The following SGCD variants were observed in gnomAD, a reference collection of about 807,000 sequenced individuals.
SGCD encodes delta-sarcoglycan.
SGCD carries 18 observed loss-of-function variants against 36.6 expected under a neutral mutation model. The observed-to-expected ratio is 0.49, with a 90% CI of 0.34 to 0.73. The LOEUF is 0.73. Ranked by LOEUF, SGCD falls within the 30% of genes least tolerant of loss-of-function variation. The probability of loss-of-function intolerance (pLI) is 0.01; values close to 1 mark genes in which losing one functional copy is unlikely to be tolerated. For missense variants in SGCD, 387 were observed against 346.7 expected (o/e 1.12, Z -0.92); for synonymous variants, 133 against 130.6 (o/e 1.02, Z -0.12).
intron 7 of SGCD, among the ~76,000 whole-genome samples, chr5:156,676,265 T>C (rs958667058): frequency 1.3e-5 from 2 of 152,172 alleles, no homozygotes; most frequent in Non-Finnish European, 2.9e-5. Flanking sequence ...TAACCCCAGG[T>C]TGTTGCCACA....
chr5:155,825,449 T>G, the SGCD span, among the ~76,000 whole-genome samples: 3 of 152,216 alleles, frequency 2.0e-5, no homozygotes, highest in African/African-American at 7.2e-5. Context: ...TTATTCAGAA[T>G]TATCATTTTG....
chr5:155,769,809 C>T, the SGCD span, among the ~76,000 whole-genome samples: 11 of 152,146 alleles, frequency 7.2e-5, no homozygotes, highest in Non-Finnish European at 8.8e-5. Context: ...TTTGTACTCA[C>T]GGCACAGTAA....
intron 3 of SGCD, among the ~76,000 whole-genome samples, chr5:156,125,242 T>A (rs1762141618): frequency 6.6e-6 from 1 of 152,160 alleles, no homozygotes; most frequent in South Asian, 2.1e-4. Context: ...GTAGGTGAGG[T>A]GTGGCATTGG....
chr5:156,565,801 GTT>G (rs1759456846), intron 4 of SGCD, among the ~76,000 whole-genome samples: 1 of 152,046 alleles, frequency 6.6e-6, no homozygotes, highest in African/African-American at 2.4e-5. Flanking sequence ...GCAGTGTTTG[GTT>G]TTCTGTTTCT....
At chr5:155,942,314 G>GTATCTATCTATCTATCTATC (rs761794178) in intron 1 of SGCD, among the ~76,000 whole-genome samples, 4 of 84,412 alleles carry the variant, frequency 4.7e-5, no homozygotes, top group African/African-American at 9.5e-5. Flanking sequence ...ATGTATGTAT[G>GTATCTATCTATCTATCTATC]TATGTATGTA....
intron 4 of SGCD, among the ~76,000 whole-genome samples, chr5:156,531,792 G>GAA (rs530872597): frequency 1.3e-5 from 2 of 149,938 alleles, no homozygotes; most frequent in African/African-American, 4.9e-5. Flanking sequence ...TAAGTAATGG[G>GAA]AAAAAAAAAG....
At chr5:156,271,738 A>G (rs1180675028) in intron 3 of SGCD, among the ~76,000 whole-genome samples, 1 of 152,152 alleles carries the variant, frequency 6.6e-6, no homozygotes, top group African/African-American at 2.4e-5. Context: ...GACATGTCCC[A>G]GAGAACATGA....
chr5:156,108,780 G>A (rs193255413), intron 1 of SGCD, among the ~76,000 whole-genome samples: 29 of 152,220 alleles, frequency 1.9e-4, no homozygotes, highest in African/African-American at 6.5e-4. Flanking sequence ...TGATCAAGTT[G>A]AGTATTTAGC....
chr5:155,873,957 A>G (rs376829975), intron 1 of SGCD, among the ~76,000 whole-genome samples: 16 of 152,184 alleles, frequency 1.1e-4, no homozygotes, highest in East Asian at 7.7e-4. Context: ...ATCAATTTTT[A>G]TATAGCCCTG....
At chr5:155,929,757 C>G (rs1020770415) in intron 1 of SGCD, among the ~76,000 whole-genome samples, 1 of 152,182 alleles carries the variant, frequency 6.6e-6, no homozygotes, top group African/African-American at 2.4e-5. Context: ...CCATTTACCC[C>G]TACTCACTGC....
chr5:156,454,948 A>G (rs1407347254), intron 3 of SGCD, among the ~76,000 whole-genome samples: 1 of 152,070 alleles, frequency 6.6e-6, no homozygotes, highest in African/African-American at 2.4e-5. Flanking sequence ...GTGCATCAGG[A>G]AAAGACGACA....
chr5:156,455,647 CTG>C (rs980043358), intron 3 of SGCD, among the ~76,000 whole-genome samples: 3 of 152,124 alleles, frequency 2.0e-5, no homozygotes, highest in Non-Finnish European at 2.9e-5. Context: ...GAATGAAACA[CTG>C]GGGAACCAGC....
At chr5:155,913,579 A>G (rs1756675820) in intron 1 of SGCD, among the ~76,000 whole-genome samples, 1 of 152,126 alleles carries the variant, frequency 6.6e-6, no homozygotes, top group African/African-American at 2.4e-5. Flanking sequence ...GTTATCATAT[A>G]TTATCCCTTC....
chr5:155,855,607 C>T, the SGCD span, among the ~76,000 whole-genome samples: 1 of 152,132 alleles, frequency 6.6e-6, no homozygotes, highest in Non-Finnish European at 1.5e-5. Context: ...CGGCTAAAAA[C>T]TTAAAATTTT....
intron 7 of SGCD, among the ~76,000 whole-genome samples, chr5:156,701,804 C>T (rs1403648779): frequency 1.3e-5 from 2 of 152,062 alleles, no homozygotes; most frequent in East Asian, 3.8e-4. Flanking sequence ...TTCCCAATAA[C>T]CAATATTATA....
At chr5:156,301,825 T>C (rs1032546306) in intron 3 of SGCD, among the ~76,000 whole-genome samples, 3 of 151,830 alleles carry the variant, frequency 2.0e-5, no homozygotes, top group Admixed American at 6.6e-5. Flanking sequence ...ACTTTACATA[T>C]GTCATGTCAC....
intron 1 of SGCD, among the ~76,000 whole-genome samples, chr5:156,013,611 C>G (rs182415341): frequency 1.3e-5 from 2 of 152,116 alleles, no homozygotes; most frequent in Non-Finnish European, 2.9e-5. Context: ...TTGAACATGT[C>G]TTCAGGAATT....
chr5:156,709,946 A>G (rs564302526), intron 7 of SGCD, among the ~76,000 whole-genome samples: 2 of 152,038 alleles, frequency 1.3e-5, no homozygotes, highest in East Asian at 3.9e-4. Flanking sequence ...CTAGCCATAA[A>G]GGACTTTTGA....
At chr5:156,214,339 G>A (rs1764522140) in intron 3 of SGCD, among the ~76,000 whole-genome samples, 1 of 151,622 alleles carries the variant, frequency 6.6e-6, no homozygotes, top group Non-Finnish European at 1.5e-5. Flanking sequence ...AATCAAGAAA[G>A]CAATCCCATT....
Sources: allele counts gnomAD v4.1 joint callset (sites outside exome capture counted in the v4.1 genomes callset), GRCh38; gene constraint gnomAD v4.1.1; transcripts MANE v1.5; gene names NCBI Gene and HGNC (gene_info 2026-07-23, HGNC 2026-07-21).